ANK1: variants seen among roughly 807,000 people sequenced by gnomAD.
The protein encoded by ANK1 is ankyrin 1, also known as ankyrin-1.
A neutral mutation model predicts 210.4 loss-of-function variants in ANK1; 51 were observed. That is an observed-to-expected ratio of 0.24 (90% CI 0.19 to 0.31). ANK1 has a LOEUF of 0.31. ANK1 is among the 10% of genes least tolerant of loss of function. The probability of loss-of-function intolerance (pLI) is 1.00; values close to 1 mark genes in which losing one functional copy is unlikely to be tolerated. For synonymous variants in ANK1, 967 were observed against 1,025.9 expected (o/e 0.94, Z 1.10); for missense variants, 2,051 against 2,504.4 (o/e 0.82, Z 3.86).
chr8:41,669,043 C>G (rs1811434950), intron 38 of ANK1, among the ~76,000 whole-genome samples: 1 of 151,552 alleles, frequency 6.6e-6, no homozygotes, highest in East Asian at 2.0e-4. Context: ...GGCGTCTCCC[C>G]CTTCCTCTCT....
chr8:41,713,841 C>T (rs1486808814), intron 16 of ANK1, among the ~76,000 whole-genome samples: 1 of 152,172 alleles, frequency 6.6e-6, no homozygotes, highest in Admixed American at 6.5e-5. Flanking sequence ...CCACACTGAC[C>T]TCTGACAGTC....
intron 42 of ANK1, chr8:41,660,444 T>A (rs1444176912): frequency 2.1e-6 from 1 of 469,256 alleles, no homozygotes; most frequent in Admixed American, 2.4e-5. Context: ...CCCCGAGGTA[T>A]CCTGTACTGA....
At chr8:41,789,581 C>T (rs977106978) in intron 1 of ANK1, among the ~76,000 whole-genome samples, 23 of 152,182 alleles carry the variant, frequency 1.5e-4, no homozygotes, top group Non-Finnish European at 8.8e-5. Context: ...CCTGTGTGGA[C>T]GAGTTCACCT....
intron 1 of ANK1, among the ~76,000 whole-genome samples, chr8:41,870,098 C>G (rs1001498099): frequency 6.6e-6 from 1 of 152,066 alleles, no homozygotes; most frequent in Non-Finnish European, 1.5e-5. Context: ...AAGGACCCCT[C>G]TGCAAGTAAC....
At chr8:41,794,783 C>T (rs111670556) in intron 1 of ANK1, among the ~76,000 whole-genome samples, 9,540 of 152,282 alleles carry the variant, frequency 0.063, 978 homozygotes, top group African/African-American at 0.21. Flanking sequence ...CGGCTTACTG[C>T]AACCTCCACC....
At chr8:41,766,267 G>A (rs1460960918) in intron 1 of ANK1, among the ~76,000 whole-genome samples, 1 of 152,162 alleles carries the variant, frequency 6.6e-6, no homozygotes, top group African/African-American at 2.4e-5. Context: ...CCGCACTGGG[G>A]TATGAGGAAA....
intron 34 of ANK1, 111 bp from the exon 35 acceptor site, chr8:41,688,341 T>C (rs1300940836): frequency 6.9e-7 from 1 of 1,444,738 alleles, no homozygotes; most frequent in South Asian, 1.1e-5. Context: ...GGTGATTGTC[T>C]AGACTCTCTG....
At chr8:41,670,399 C>T (rs1343221789) in intron 38 of ANK1, among the ~76,000 whole-genome samples, 1 of 152,040 alleles carries the variant, frequency 6.6e-6, no homozygotes, top group African/African-American at 2.4e-5. Context: ...TTCATGAACC[C>T]AGTTAGCAAC....
Position 41,653,302 on chromosome 8 carries a change from G to A in ANK1, c.*2488C>T, listed in dbSNP as rs1317692012. The A allele has an allele frequency of 6.6e-6, 1 of 152,536 alleles. No individual in the cohort carries two copies. Among genetic ancestry groups the A allele is most frequent in the Non-Finnish European group, 1.5e-5 (1 of 68,034 alleles). The allele number at this position is 152,536 out of a possible 1,614,324, so 9.4% of individuals were successfully genotyped here. A position where few individuals can be genotyped will look rare whatever the true frequency, so the allele number is the denominator to read the frequency against. On this transcript the variant is annotated 3_prime_UTR_variant, in exon 43 of 43. Coordinates refer to ENST00000289734, the MANE Select transcript of ANK1 (RefSeq NM_000037.4). ...GAGAATGGTCTATACATCAGAGTAG[G>A]GTAGGGGATTCTCTCCCATAACAGA...
chr8:41,722,616 C>G (rs1176205922), intron 9 of ANK1, among the ~76,000 whole-genome samples: 1 of 152,214 alleles, frequency 6.6e-6, no homozygotes, highest in East Asian at 1.9e-4. Context: ...GTGTTCTTTT[C>G]TTTTTAACTT....
intron 1 of ANK1, among the ~76,000 whole-genome samples, chr8:41,805,112 A>G (rs1402585201): frequency 6.7e-6 from 1 of 149,436 alleles, no homozygotes; most frequent in Admixed American, 6.6e-5. Context: ...TCTCTCTCTC[A>G]TAGAGCTCTT....
chr8:41,754,484 A>C (rs995350412), intron 2 of ANK1, among the ~76,000 whole-genome samples: 1 of 152,186 alleles, frequency 6.6e-6, no homozygotes, highest in African/African-American at 2.4e-5. Context: ...ATTATGGCAA[A>C]CAGTACGCAT....
intron 1 of ANK1, among the ~76,000 whole-genome samples, chr8:41,772,870 G>A (rs575935242): frequency 6.6e-6 from 1 of 152,204 alleles, no homozygotes; most frequent in South Asian, 2.1e-4. Context: ...TGGGTACCAG[G>A]AACTCCACCC....
chr8:41,842,102 G>T lies in ANK1; in HGVS notation c.126+54253C>A, dbSNP rs78681556. On this transcript the variant is annotated intron_variant, in intron 1 of 42. Transcript: ENST00000265709. ...AGGCACTGCTCTGACTGTGACCCAG[G>T]CCACCCCAAGGGAGGCAGCACCCCA... is the stretch of plus-strand genomic sequence containing the variant. 1.1e-3 allele frequency among the ~76,000 whole-genome samples: 174 copies of T among 152,332 alleles called. 7 individuals carry two copies. In the East Asian group the frequency reaches 0.029, roughly 25 times the overall value.
chr8:41,678,539 T>C (rs771850131), intron 37 of ANK1, among the ~76,000 whole-genome samples: 4 of 152,222 alleles, frequency 2.6e-5, no homozygotes, highest in Non-Finnish European at 4.4e-5. Context: ...TCACTTTGTG[T>C]TTCTCCAAAA....
chr8:41,746,880 A>G (rs1011259679), intron 2 of ANK1, among the ~76,000 whole-genome samples: 3 of 151,782 alleles, frequency 2.0e-5, no homozygotes, highest in African/African-American at 7.3e-5. Context: ...AAAAAAAAAA[A>G]AAAAGACCCA....
intron 37 of ANK1, 30 bp from the exon 38 acceptor site, chr8:41,672,942 C>A: frequency 6.4e-7 from 1 of 1,574,602 alleles, no homozygotes; most frequent in South Asian, 1.1e-5. Context: ...GCAACATGCT[C>A]CAGCAGTGAT....
intron 1 of ANK1, among the ~76,000 whole-genome samples, chr8:41,858,158 G>A (rs1812566864): frequency 6.6e-6 from 1 of 151,690 alleles, no homozygotes; most frequent in Non-Finnish European, 1.5e-5. Flanking sequence ...CTTGAGCCCG[G>A]GAATTGGAGG....
At chr8:41,804,243 A>G (rs974174759) in intron 1 of ANK1, among the ~76,000 whole-genome samples, 4 of 152,178 alleles carry the variant, frequency 2.6e-5, no homozygotes, top group African/African-American at 9.7e-5. Flanking sequence ...TGGACCTCCC[A>G]TAGGGCTGCC....
Sources: gnomAD v4.1 joint callset for allele counts (sites outside exome capture counted in the v4.1 genomes callset) on GRCh38, gnomAD v4.1.1 for gene constraint, MANE v1.5 for transcripts, NCBI Gene and HGNC (gene_info 2026-07-23, HGNC 2026-07-21) for gene names.